Variants in TRAK1 observed in about 807,000 individuals in gnomAD.
The protein encoded by TRAK1 is trafficking kinesin protein 1.
A neutral mutation model predicts 92.1 loss-of-function variants in TRAK1; 33 were observed. The ratio of observed to expected loss-of-function variants is 0.36; its 90% confidence interval spans 0.27 to 0.48. The LOEUF is 0.48. Ranked by LOEUF, TRAK1 falls within the 20% of genes least tolerant of loss-of-function variation. The pLI is 0.99. For missense variants in TRAK1, 1,123 were observed against 1,257.9 expected, an observed-to-expected ratio of 0.89 and a Z score of 1.62; for synonymous variants, 521 against 517.3, an observed-to-expected ratio of 1.01 and a Z score of -0.10.
At chr3:42,095,134 A>T (rs577917410) in intron 1 of TRAK1, among the ~76,000 whole-genome samples, 3 of 152,316 alleles carry the variant, frequency 2.0e-5, no homozygotes, top group African/African-American at 7.2e-5. Context: ...GACACATATT[A>T]TACAGTTAGC....
intron 2 of TRAK1, among the ~76,000 whole-genome samples, chr3:42,143,250 A>T (rs899487790): frequency 6.7e-6 from 1 of 148,254 alleles, no homozygotes; most frequent in Non-Finnish European, 1.5e-5. Context: ...AAACTTCTCA[A>T]TTTGTTTTCT....
At position 42,223,111 on chromosome 3, in the gene TRAK1, G is replaced by A. The variant is rs1447030055; in HGVS notation, c.2236G>A (p.Glu746Lys). 6.2e-7 allele frequency: 1 copy of A among 1,614,058 alleles called. No homozygotes were observed. Among genetic ancestry groups the A allele is most frequent in the Non-Finnish European group, 8.5e-7 (1 of 1,180,032 alleles). ...CCTGGGGCTCGTGTGGCTGTTGAAG[G>A]AGCGGGGCATTTCTGCTGCCGTGTA... is the stretch of plus-strand genomic sequence containing the variant. Reference protein sequence around the residue: ...TSLGLVWLLKERGISAAVYDP... With the variant: ...TSLGLVWLLKKRGISAAVYDP... The change falls in exon 16 of 16, where the codon GAG becomes AAG. Residue 746 changes from glutamate to lysine, a missense_variant. By Grantham distance (56) the Glu-to-Lys change is moderately conservative (BLOSUM62 1). Around this residue, in one of 3 missense-constraint regions of TRAK1, gnomAD observed 401 missense variants for 438.9 expected, o/e 0.91. Coordinates refer to ENST00000327628, the MANE Select transcript of TRAK1 (RefSeq NM_001042646.3). This position sits in a 1 kb window ranked among gnomAD's most constrained non-coding sequence, Gnocchi z 6.1.
upstream of TRAK1, among the ~76,000 whole-genome samples, chr3:42,013,588 G>A (rs1032304906): frequency 2.0e-5 from 3 of 150,236 alleles, no homozygotes; most frequent in Non-Finnish European, 4.5e-5. The surrounding 1 kb of genome is among the most constrained non-coding windows in gnomAD (Gnocchi z 5.1). Flanking sequence ...GAAGGGGGAG[G>A]GCTCGGCGCG....
intron 3 of TRAK1, among the ~76,000 whole-genome samples, chr3:42,180,032 G>A (rs972459026): frequency 4.0e-5 from 6 of 151,862 alleles, no homozygotes; most frequent in African/African-American, 1.5e-4. Context: ...AAGCTGCCAC[G>A]CCCAACCTGT....
chr3:42,147,527 T>C (rs1305103832), intron 2 of TRAK1, among the ~76,000 whole-genome samples: 2 of 152,186 alleles, frequency 1.3e-5, no homozygotes, highest in Non-Finnish European at 2.9e-5. Context: ...TCAGCATCAG[T>C]GGTTCCACTG....
chr3:42,023,626 G>A (rs1473833722), intron 1 of TRAK1, among the ~76,000 whole-genome samples: 1 of 152,028 alleles, frequency 6.6e-6, no homozygotes, highest in Non-Finnish European at 1.5e-5. Context: ...TAAGGGAGGG[G>A]GCGGAGTGAA....
upstream of TRAK1, among the ~76,000 whole-genome samples, chr3:42,084,144 C>T (rs1025810057): frequency 4.2e-4 from 64 of 152,136 alleles, no homozygotes; most frequent in African/African-American, 1.5e-3. Flanking sequence ...TTTTTATATA[C>T]TTTACTCTTT....
At chr3:42,107,618 G>T (rs1707771985) in intron 1 of TRAK1, among the ~76,000 whole-genome samples, 1 of 152,042 alleles carries the variant, frequency 6.6e-6, no homozygotes, top group East Asian at 1.9e-4. Context: ...AGATGGGTGA[G>T]ATTAAGTGCA....
At chr3:42,041,988 T>C (rs1702561012) in intron 1 of TRAK1, among the ~76,000 whole-genome samples, 1 of 152,114 alleles carries the variant, frequency 6.6e-6, no homozygotes, top group African/African-American at 2.4e-5. Flanking sequence ...GACAAGGTTT[T>C]TCCATGTTGG....
At chr3:42,018,860 A>T (rs1701626357) in intron 1 of TRAK1, among the ~76,000 whole-genome samples, 1 of 152,210 alleles carries the variant, frequency 6.6e-6, no homozygotes, top group African/African-American at 2.4e-5. Context: ...GTGGTGGCTT[A>T]CGCCTATAAT....
At position 42,016,568 on chromosome 3, in the gene TRAK1, G is replaced by C. The variant is rs1008457218; in HGVS notation, c.-519+2451G>C. 6.6e-4 allele frequency among the ~76,000 whole-genome samples: 100 copies of C among 152,164 alleles called. 1 individual carries two copies. The highest frequency in any genetic ancestry group is 5.2e-3 in the Admixed American group (79 of 15,284). ...ATATAGTAGGCCTCTGTAATTGTTT[G>C]GTGATTCTTGAATTAACCATCTGGG... On this transcript the variant is annotated intron_variant, in intron 1 of 16. Coordinates refer to the TRAK1 transcript ENST00000487159.
At chr3:42,211,046 CA>C (rs1423288457) in intron 14 of TRAK1, 1 of 985,478 alleles carries the variant, frequency 1.0e-6, no homozygotes, top group Non-Finnish European at 1.2e-6. Flanking sequence ...TTTGTGGAGT[CA>C]GGGGGGAGAC....
rs569946190 is a variant in TRAK1, at chr3:42,200,582, G to T, written c.1191-236G>T. On this transcript the variant is annotated intron_variant, in intron 11 of 15. Coordinates refer to ENST00000327628, the MANE Select transcript of TRAK1 (RefSeq NM_001042646.3). ...TTCACTCTTGCTGGCATCACCTTTA[G>T]GATACAACCATGCGTTCGAGTCCTG... Among the ~76,000 whole-genome samples, 4 of 152,302 alleles carry T rather than the reference G, an allele frequency of 2.6e-5. No individual in the cohort carries two copies. The East Asian group carries it at 7.7e-4, about 29-fold the overall frequency.
intron 2 of TRAK1, among the ~76,000 whole-genome samples, chr3:42,136,458 A>C (rs1697964139): frequency 6.6e-6 from 1 of 152,012 alleles, no homozygotes; most frequent in African/African-American, 2.4e-5. Flanking sequence ...AACCCCCATC[A>C]CTATAAAAAA....
At chr3:42,076,215 CCTTTT>C (rs1704148446) in intron 1 of TRAK1, among the ~76,000 whole-genome samples, 8 of 112,034 alleles carry the variant, frequency 7.1e-5, no homozygotes, top group Admixed American at 1.1e-4. Flanking sequence ...GGATATTAGA[CCTTTT>C]TTTTTTTTTT....
At chr3:42,204,020 A>C in intron 13 of TRAK1, 1 of 985,482 alleles carries the variant, frequency 1.0e-6, no homozygotes, top group Middle Eastern at 5.2e-4. Context: ...AGGGTGGGCT[A>C]GTTTGTTTTT....
intron 1 of TRAK1, among the ~76,000 whole-genome samples, chr3:42,116,789 G>T (rs747938357): frequency 2.6e-5 from 4 of 152,148 alleles, no homozygotes; most frequent in African/African-American, 4.8e-5. Flanking sequence ...GGTGGGTAAA[G>T]AAATGGAGTG....
upstream of TRAK1, among the ~76,000 whole-genome samples, chr3:42,088,866 CA>C: frequency 6.6e-6 from 1 of 152,322 alleles, no homozygotes; most frequent in Middle Eastern, 3.4e-3. Context: ...GCCCGGGGCC[CA>C]GCCTTTCCGC....
At chr3:42,128,802 T>C (rs1443884528) in intron 2 of TRAK1, among the ~76,000 whole-genome samples, 2 of 152,204 alleles carry the variant, frequency 1.3e-5, no homozygotes, top group Non-Finnish European at 2.9e-5. Context: ...ACATTTGTTG[T>C]TAAATGTGCT....
Sources: gnomAD v4.1 joint callset for allele counts (sites outside exome capture counted in the v4.1 genomes callset) on GRCh38, gnomAD v4.1.1 for gene constraint, gnomAD v4.1.1 regional missense constraint, Gnocchi (gnomAD v3.1) non-coding constraint, MANE v1.5 for transcripts, NCBI Gene and HGNC (gene_info 2026-07-23, HGNC 2026-07-21) for gene names.